BCAP29: variants seen among roughly 807,000 people sequenced by gnomAD.
The protein encoded by BCAP29 is B-cell receptor-associated protein 29.
BCAP29 carries 34 observed loss-of-function variants against 31.8 expected under a neutral mutation model. The ratio of observed to expected loss-of-function variants is 1.07; its 90% CI spans 0.81 to 1.42. BCAP29 has a LOEUF of 1.42. BCAP29 is among the 40% of genes most tolerant of loss of function. BCAP29 has a pLI of 0.00. For synonymous variants in BCAP29, 104 were observed against 91.3 expected, an observed-to-expected ratio of 1.14 and a Z score of -0.79; for missense variants, 314 against 269.2, an observed-to-expected ratio of 1.17 and a Z score of -1.16.
intron 7 of BCAP29, among the ~76,000 whole-genome samples, chr7:107,617,187 G>A (rs1363139249): frequency 6.6e-6 from 1 of 152,092 alleles, no homozygotes; most frequent in Non-Finnish European, 1.5e-5. Flanking sequence ...CTTAGATATT[G>A]AATTATATGC....
rs920003536 is a variant in BCAP29, at chr7:107,613,273, C to T, written c.590-59C>T. 8 of 1,345,622 alleles carry T rather than the reference C, an allele frequency of 5.9e-6. No homozygotes were observed. In the African/African-American group the frequency reaches 8.9e-5, roughly 15 times the overall value. The allele number at this position is 1,345,622 out of a possible 1,614,324, so 83.4% of individuals were successfully genotyped here. ...GGAGTTCTCTATTTAAGCCTTGTAA[C>T]TTTTCTATAAATTTGAAATTATTCT... On this transcript the variant is annotated intron_variant, in intron 6 of 7. Coordinates refer to ENST00000005259, the MANE Select transcript of BCAP29 (RefSeq NM_018844.4).
chr7:107,600,739 A>T (rs1563135225), intron 6 of BCAP29, among the ~76,000 whole-genome samples: 1 of 152,256 alleles, frequency 6.6e-6, no homozygotes, highest in South Asian at 2.1e-4. Context: ...TTGTAAATAC[A>T]GATGTTCTTG....
chr7:107,601,601 T>C (rs1029244588), intron 6 of BCAP29, among the ~76,000 whole-genome samples: 25 of 152,208 alleles, frequency 1.6e-4, no homozygotes, highest in African/African-American at 5.3e-4. Flanking sequence ...ACTGTTGCCT[T>C]TTCTGTAATT....
At chr7:107,599,339 A>G (rs1327289529) in intron 5 of BCAP29, among the ~76,000 whole-genome samples, 1 of 69,510 alleles carries the variant, frequency 1.4e-5, no homozygotes, top group East Asian at 3.3e-4. Context: ...ATATATATGC[A>G]CACATATATA....
In BCAP29 at chr7:107,594,051, T is replaced by C; in HGVS notation, c.290T>C (p.Leu97Pro). 6.2e-7 allele frequency: 1 copy of C among 1,613,730 alleles called. No individual in the cohort carries two copies. Among genetic ancestry groups the C allele is most frequent in the Non-Finnish European group, 8.5e-7 (1 of 1,179,658 alleles). ...GCCTATGAACACACACAGATGAAAC[T>C]TTTTAGGTCTCAAAGAAATCTTTAC... ...PDAYEHTQMK[L>P]FRSQRNLYIS... Residue 97 changes from leucine (L) to proline (P), a missense_variant, in exon 4 of 8, where the codon CTT (leucine) becomes CCT (proline). Physicochemically the swap from Leu to Pro is moderately conservative, Grantham distance 98 (BLOSUM62 -3). Transcript: ENST00000005259.
At chr7:107,615,210 A>G (rs1486322374) in intron 7 of BCAP29, 1 of 456,718 alleles carries the variant, frequency 2.2e-6, no homozygotes, top group Admixed American at 2.3e-5. Flanking sequence ...AATATATATA[A>G]CAGTGAGATT....
chr7:107,588,602 A>G (rs535258193), intron 3 of BCAP29, among the ~76,000 whole-genome samples: 1 of 152,186 alleles, frequency 6.6e-6, no homozygotes, highest in Non-Finnish European at 1.5e-5. Context: ...TCAACCCTTA[A>G]AAGAAGGGAA....
intron 3 of BCAP29, among the ~76,000 whole-genome samples, chr7:107,588,478 G>T (rs2129221155): frequency 6.6e-6 from 1 of 152,222 alleles, no homozygotes; most frequent in East Asian, 1.9e-4. Flanking sequence ...AGCAAAACGG[G>T]TTGTATTAGA....
intron 4 of BCAP29, 65 bp downstream of exon 4, chr7:107,594,170 T>G: frequency 6.9e-7 from 1 of 1,459,726 alleles, no homozygotes; most frequent in Admixed American, 2.1e-5. Flanking sequence ...TTTCTCATTT[T>G]GTCCACCTTT....
At position 107,618,424 on chromosome 7, in the gene BCAP29, C is replaced by G. The variant is rs747689058; in HGVS notation, c.*61C>G. 18 of 1,612,364 alleles carry G rather than the reference C, an allele frequency of 1.1e-5. No homozygotes were observed. In the African/African-American group the frequency reaches 2.3e-4, roughly 20 times the overall value. On this transcript the variant is annotated 3_prime_UTR_variant, in exon 8 of 8. Transcript: ENST00000005259. ...AATGATAATTTTGTTATGTTAGCCT[C>G]TAGAAAATTTAAGTTCAGAAAAATG...
At chr7:107,598,027 C>T (rs1207806098) in intron 5 of BCAP29, among the ~76,000 whole-genome samples, 1 of 152,022 alleles carries the variant, frequency 6.6e-6, no homozygotes, top group Non-Finnish European at 1.5e-5. Flanking sequence ...TTTCAGTGTT[C>T]TTGGTCTTTC....
At chr7:107,583,365 T>G (rs1807053854) in intron 2 of BCAP29, among the ~76,000 whole-genome samples, 1 of 152,142 alleles carries the variant, frequency 6.6e-6, no homozygotes, top group Non-Finnish European at 1.5e-5. Flanking sequence ...TTTTTCAATT[T>G]ATGTGTATAA....
chr7:107,598,163 G>A (rs772695058), intron 5 of BCAP29, among the ~76,000 whole-genome samples: 4 of 152,118 alleles, frequency 2.6e-5, no homozygotes, highest in South Asian at 2.1e-4. Flanking sequence ...AGCAGTCAGC[G>A]AAAACGTTCC....
At chr7:107,602,521 G>C (rs1319650813) in intron 6 of BCAP29, among the ~76,000 whole-genome samples, 3 of 151,786 alleles carry the variant, frequency 2.0e-5, no homozygotes, top group Admixed American at 6.6e-5. Flanking sequence ...GAAAGATTTA[G>C]AAAGAGATCT....
intron 7 of BCAP29, among the ~76,000 whole-genome samples, chr7:107,617,643 G>T (rs541323986): frequency 6.6e-6 from 1 of 152,208 alleles, no homozygotes; most frequent in East Asian, 1.9e-4. Context: ...ATGTAAACTT[G>T]TGGAAGTAAT....
chr7:107,599,326 A>ATAT (rs1563134342), intron 5 of BCAP29, among the ~76,000 whole-genome samples: 2 of 108,830 alleles, frequency 1.8e-5, no homozygotes, highest in South Asian at 6.2e-4. Flanking sequence ...TATATATATA[A>ATAT]ATATATATAT....
Position 107,595,910 on chromosome 7 carries a change from G to T in BCAP29, c.388G>T (p.Glu130Ter), listed in dbSNP as rs1809730040. 1 of 1,600,948 alleles carries T rather than the reference G, an allele frequency of 6.2e-7. No individual in the cohort carries two copies. The highest frequency in any genetic ancestry group is 8.5e-7 in the Non-Finnish European group (1 of 1,176,036). Residue 130 changes from glutamate (E) to a stop codon, truncating the protein, a stop_gained, in exon 5 of 8, where the codon GAA becomes TAA. Coordinates refer to ENST00000005259, the MANE Select transcript of BCAP29 (RefSeq NM_018844.4). LOFTEE classifies it high-confidence loss of function. ...LVTLITQLAK[E>*]LSNKGVLKTQ... Reference sequence around the variant, plus strand: ...TACGCTTATTACTCAACTGGCAAAAGAACTGTCAAACAAAGGTGTACTTAA... The same window carrying T: ...TACGCTTATTACTCAACTGGCAAAATAACTGTCAAACAAAGGTGTACTTAA...
chr7:107,583,856 C>A, intron 2 of BCAP29, 26 bp from the exon 3 acceptor site: 1 of 1,207,182 alleles, frequency 8.3e-7, no homozygotes, highest in Non-Finnish European at 1.2e-6. Context: ...TTTTTTTATA[C>A]CTAATATAAT....
At chr7:107,584,072 C>G (rs1807183166) in intron 3 of BCAP29, 90 bp downstream of exon 3, 1 of 698,180 alleles carries the variant, frequency 1.4e-6, no homozygotes. Flanking sequence ...AATTGGTGTA[C>G]AGTTGACTTT....
Sources: gnomAD v4.1 joint callset for allele counts (sites outside exome capture counted in the v4.1 genomes callset) on GRCh38, gnomAD v4.1.1 for gene constraint, MANE v1.5 for transcripts, NCBI Gene and HGNC (gene_info 2026-07-23, HGNC 2026-07-21) for gene names.